The following CCDC12 variants were observed in gnomAD, a reference collection of about 807,000 sequenced individuals.
CCDC12 encodes the protein coiled-coil domain containing 12.
Under a neutral mutation model 25.7 loss-of-function variants are expected in CCDC12, and 28 were observed. That is an observed-to-expected ratio of 1.09 (90% confidence interval 0.81 to 1.50). CCDC12 has a LOEUF of 1.50. Among genes scored for constraint, CCDC12 ranks in the 40% most tolerant of loss-of-function variants. The pLI is 0.00. For synonymous variants in CCDC12, 75 were observed against 87.7 expected (o/e 0.86, Z 0.81); for missense variants, 198 against 210.0 (o/e 0.94, Z 0.35).
rs545807290 is a variant in CCDC12, at chr3:46,922,087, G to A, written c.471C>T (p.Ala157=). The A allele has an allele frequency of 1.2e-6, 2 of 1,614,228 alleles. No individual in the cohort carries two copies. The highest frequency in any genetic ancestry group is 1.7e-6 in the Non-Finnish European group (2 of 1,180,042). Residue 157 remains alanine, a synonymous_variant, in exon 7 of 7, where the codon GCC becomes GCT. Coordinates refer to ENST00000683445, the MANE Select transcript of CCDC12 (RefSeq NM_001277074.2). The stretch of plus-strand genomic sequence containing the variant: ...CGGAGTCACAGGTCTTTTGTTCGGT[G>A]GCAGCATCCACTGCAGAGGCTAGGC... ...EDSLASAVDA[A]TEQKTCDSD
rs59614145 is a variant in CCDC12 at position 46,933,679 on chromosome 3, G to A, written c.164+7319C>T. Among the ~76,000 whole-genome samples the A allele has an allele frequency of 9.8e-3, 1,493 of 152,214 alleles. 21 individuals carry two copies. The highest frequency in any genetic ancestry group is 0.034 in the African/African-American group (1,405 of 41,518). ...CCCATAGCTAGTGGGTACTTAAGGC[G>A]TTAGAAAAAACTGGTCTGCCAAAAG... On this transcript the variant is annotated intron_variant, in intron 2 of 6. Coordinates refer to ENST00000683445, the MANE Select transcript of CCDC12 (RefSeq NM_001277074.2).
intron 1 of CCDC12, among the ~76,000 whole-genome samples, chr3:46,946,475 A>T (rs536949926): frequency 6.6e-6 from 1 of 152,366 alleles, no homozygotes; most frequent in Non-Finnish European, 1.5e-5. Flanking sequence ...TGGGAGTGGT[A>T]ACTGCCTACA....
At chr3:46,981,905 G>A (rs1315284727) in intron 1 of CCDC12, 2 of 152,278 alleles carry the variant, frequency 1.3e-5, no homozygotes, top group Non-Finnish European at 2.9e-5. Context: ...TATCTGTGCT[G>A]AGCCTCCCCC....
At chr3:46,980,364 G>T (rs1244413390), upstream of CCDC12, among the ~76,000 whole-genome samples, 1 of 152,118 alleles carries the variant, frequency 6.6e-6, no homozygotes, top group Admixed American at 6.5e-5. Flanking sequence ...GTGGCCAACG[G>T]GTCTGGGGGT....
upstream of CCDC12, chr3:46,976,851 C>A: frequency 6.7e-7 from 1 of 1,485,890 alleles, no homozygotes; most frequent in Non-Finnish European, 9.0e-7. Flanking sequence ...GTCCTGAAAG[C>A]CAATCAATGC....
intron 3 of CCDC12, 53 bp from the exon 4 acceptor site, chr3:46,923,721 G>A: frequency 7.2e-7 from 1 of 1,384,378 alleles, no homozygotes; most frequent in Admixed American, 2.8e-5. Flanking sequence ...CTGCCACTCT[G>A]CAGGGACACT....
intron 1 of CCDC12, among the ~76,000 whole-genome samples, chr3:46,950,280 T>C (rs1242382825): frequency 2.7e-5 from 4 of 148,500 alleles, no homozygotes; most frequent in Admixed American, 6.9e-5. Context: ...CTATTAGTAT[T>C]AGACCAACCA....
intron 1 of CCDC12, among the ~76,000 whole-genome samples, chr3:46,944,654 C>T (rs1305469426): frequency 6.6e-6 from 1 of 152,076 alleles, no homozygotes; most frequent in African/African-American, 2.4e-5. Context: ...ACAACCAAGC[C>T]CCCAGCCATT....
At chr3:46,946,989 G>A (rs1339186703) in intron 1 of CCDC12, among the ~76,000 whole-genome samples, 1 of 152,110 alleles carries the variant, frequency 6.6e-6, no homozygotes, top group Non-Finnish European at 1.5e-5. Context: ...TTCTCATCTA[G>A]GGTCTTCCCA....
At chr3:46,936,406 G>A (rs1188124845) in intron 2 of CCDC12, among the ~76,000 whole-genome samples, 1 of 152,200 alleles carries the variant, frequency 6.6e-6, no homozygotes, top group East Asian at 1.9e-4. Context: ...TCTCTCGGGA[G>A]GACCTCACGG....
chr3:46,977,760 C>T (rs1004399375), upstream of CCDC12, among the ~76,000 whole-genome samples: 2 of 152,204 alleles, frequency 1.3e-5, no homozygotes, highest in African/African-American at 4.8e-5. Context: ...CGGGGAAGAG[C>T]AAACCCCAAC....
chr3:46,940,694 C>T, intron 2 of CCDC12: 1 of 370,432 alleles, frequency 2.7e-6, no homozygotes, highest in East Asian at 4.9e-5. Context: ...ACTCAGTAGG[C>T]AATGGAGAAC....
At chr3:46,937,378 G>A (rs1361870481) in intron 2 of CCDC12, among the ~76,000 whole-genome samples, 2 of 152,170 alleles carry the variant, frequency 1.3e-5, no homozygotes, top group Admixed American at 1.3e-4. Context: ...CCCCTGAGTG[G>A]GCACCACACT....
intron 1 of CCDC12, among the ~76,000 whole-genome samples, chr3:46,970,878 C>A (rs191904885): frequency 9.6e-4 from 146 of 152,292 alleles, no homozygotes; most frequent in Non-Finnish European, 1.9e-3. Flanking sequence ...CTCACCCAGC[C>A]AGGAACTTCT....
intron 5 of CCDC12, chr3:46,922,536 C>T (rs2032729104): frequency 5.0e-6 from 3 of 596,680 alleles, no homozygotes; most frequent in South Asian, 3.9e-5. Flanking sequence ...ATCACAAACC[C>T]ACCCAACACA....
intron 1 of CCDC12, among the ~76,000 whole-genome samples, chr3:46,952,044 T>C (rs898263094): frequency 6.6e-6 from 1 of 151,520 alleles, no homozygotes; most frequent in African/African-American, 2.4e-5. Flanking sequence ...GTTCTTCCCA[T>C]GCCTTCTAAT....
At chr3:46,965,172 A>G (rs925461139) in intron 1 of CCDC12, among the ~76,000 whole-genome samples, 5 of 152,186 alleles carry the variant, frequency 3.3e-5, no homozygotes, top group African/African-American at 1.2e-4. Flanking sequence ...TTCACCATCA[A>G]GACCATGCAA....
chr3:46,964,643 T>C (rs540669752), intron 1 of CCDC12, among the ~76,000 whole-genome samples: 27 of 152,340 alleles, frequency 1.8e-4, no homozygotes, highest in Non-Finnish European at 2.8e-4. Flanking sequence ...TGTTGATCTA[T>C]GACCTTACCC....
At chr3:46,975,170 G>A (rs901803101) in intron 1 of CCDC12, among the ~76,000 whole-genome samples, 4 of 152,014 alleles carry the variant, frequency 2.6e-5, no homozygotes, top group Non-Finnish European at 2.9e-5. Flanking sequence ...AAAGAACTAA[G>A]GCCCTCTTCT....
Sources: allele counts gnomAD v4.1 joint callset (sites outside exome capture counted in the v4.1 genomes callset), GRCh38; gene constraint gnomAD v4.1.1; transcripts MANE v1.5; gene names NCBI Gene and HGNC (gene_info 2026-07-23, HGNC 2026-07-21).